The following HP1BP3 variants were observed in gnomAD, a reference collection of about 807,000 sequenced individuals.
The protein encoded by HP1BP3 is heterochromatin protein 1-binding protein 3.
HP1BP3 carries 12 observed loss-of-function variants against 62.5 expected under a neutral mutation model. That is an observed-to-expected ratio of 0.19 (90% CI 0.12 to 0.31). The LOEUF (loss-of-function observed/expected upper bound fraction) is 0.31, where lower values mean the gene tolerates loss of function less well. Among genes scored for constraint, HP1BP3 ranks in the 10% least tolerant of loss-of-function variants. The pLI is 1.00. For missense variants in HP1BP3, 502 were observed against 651.8 expected (o/e 0.77, Z 2.50); for synonymous variants, 260 against 237.8 (o/e 1.09, Z -0.86).
At chr1:20,764,277 C>T (rs2154540545) in intron 8 of HP1BP3, among the ~76,000 whole-genome samples, 1 of 151,654 alleles carries the variant, frequency 6.6e-6, no homozygotes, top group South Asian at 2.1e-4. Context: ...TGGTGCTGTA[C>T]TTCATTATTT....
chr1:20,755,321 A>G (rs1377956121), intron 9 of HP1BP3: 1 of 448,542 alleles, frequency 2.2e-6, no homozygotes, highest in Non-Finnish European at 4.5e-6. Context: ...TAATTCCAAC[A>G]CTTTGGGAAG....
Position 20,742,108 on chromosome 1 carries a change from T to C in HP1BP3, c.*2689A>G, listed in dbSNP as rs2055099809. 6.6e-6 allele frequency among the ~76,000 whole-genome samples: 1 copy of C among 152,224 alleles called. No homozygotes were observed. Among genetic ancestry groups the C allele is most frequent in the African/African-American group, 2.4e-5 (1 of 41,448 alleles). On this transcript the variant is annotated 3_prime_UTR_variant, in exon 13 of 13. Coordinates refer to ENST00000438032, the MANE Select transcript of HP1BP3 (RefSeq NM_001372052.1). ...CTAAACTTCTCAGCCTGTGCTTAAG[T>C]GCCTGGTGTGCAATACAGCCACCAG...
intron 5 of HP1BP3, 25 bp from the exon 6 acceptor site, chr1:20,771,098 TG>T (rs771292030): frequency 1.3e-5 from 20 of 1,570,034 alleles, no homozygotes; most frequent in East Asian, 2.3e-5. Flanking sequence ...TTAAACTAGT[TG>T]TTTTTTTTTA....
chr1:20,776,947 T>C (rs1243184046), intron 3 of HP1BP3, among the ~76,000 whole-genome samples, 197 bp from the exon 4 acceptor site: 3 of 152,208 alleles, frequency 2.0e-5, no homozygotes, highest in Non-Finnish European at 4.4e-5. Flanking sequence ...AGGTGGTTAT[T>C]TATCTATTAT....
chr1:20,764,210 T>C (rs2056642593), intron 8 of HP1BP3, among the ~76,000 whole-genome samples: 1 of 152,196 alleles, frequency 6.6e-6, no homozygotes, highest in Non-Finnish European at 1.5e-5. Flanking sequence ...AAGCTTTCTA[T>C]CCTTTTTTTC....
chr1:20,764,595 A>G (rs2154540566), intron 8 of HP1BP3, among the ~76,000 whole-genome samples: 1 of 151,396 alleles, frequency 6.6e-6, no homozygotes, highest in African/African-American at 2.4e-5. Context: ...ATATCTGAGA[A>G]GATACACAGT....
intron 5 of HP1BP3, among the ~76,000 whole-genome samples, chr1:20,772,788 C>T (rs979510181): frequency 4.6e-5 from 7 of 152,032 alleles, no homozygotes; most frequent in Non-Finnish European, 8.8e-5. Context: ...AATGAAAAGA[C>T]TTATACAATA....
At chr1:20,767,461 G>C (rs1213146931) in intron 7 of HP1BP3, 123 bp downstream of exon 7, 2 of 755,376 alleles carry the variant, frequency 2.6e-6, no homozygotes, top group Non-Finnish European at 4.7e-6. Context: ...AACTTCCCTA[G>C]GCCTTAGCAG....
chr1:20,782,367 C>T (rs567750610), intron 1 of HP1BP3, among the ~76,000 whole-genome samples: 7 of 151,314 alleles, frequency 4.6e-5, no homozygotes, highest in Middle Eastern at 6.9e-3. Flanking sequence ...GAGGTTCACT[C>T]GAGCCCAGGA....
intron 4 of HP1BP3, chr1:20,775,061 G>T (rs2057242307): frequency 6.6e-6 from 1 of 150,934 alleles, no homozygotes; most frequent in Non-Finnish European, 1.5e-5. Context: ...ACTAGTTTAT[G>T]TGTTTACTAT....
chr1:20,760,108 C>A (rs1055053497), intron 8 of HP1BP3, among the ~76,000 whole-genome samples: 2 of 152,050 alleles, frequency 1.3e-5, no homozygotes, highest in African/African-American at 4.8e-5. Context: ...AGGAAGGTCT[C>A]CAACTCTTGA....
In HP1BP3 at chr1:20,743,481, G is replaced by A. The variant is rs2055144446; in HGVS notation, c.*1316C>T. The stretch of plus-strand genomic sequence containing the variant: ...GATCGAGACCATCCTGGCTAACATG[G>A]TGAAACCCCAACTCTACTAAAAATA... On this transcript the variant is annotated 3_prime_UTR_variant, in exon 13 of 13. Transcript: ENST00000438032. 6.6e-6 allele frequency: 1 copy of A among 151,982 alleles called. No homozygotes were observed. The highest frequency in any genetic ancestry group is 1.5e-5 in the Non-Finnish European group (1 of 68,032). The allele number at this position is 151,982 out of a possible 1,614,324, so 9.4% of individuals were successfully genotyped here. A position where few individuals can be genotyped will look rare whatever the true frequency, so the allele number is the denominator to read the frequency against.
At chr1:20,746,427 A>G (rs2055339275) in intron 11 of HP1BP3, among the ~76,000 whole-genome samples, 1 of 152,220 alleles carries the variant, frequency 6.6e-6, no homozygotes, top group Non-Finnish European at 1.5e-5. Flanking sequence ...AAAAATTTAT[A>G]TAATATGTAT....
chr1:20,745,432 A>C, intron 12 of HP1BP3, 111 bp downstream of exon 12: 2 of 1,275,552 alleles, frequency 1.6e-6, no homozygotes, highest in Non-Finnish European at 2.1e-6. Flanking sequence ...GAACTTGAGA[A>C]GGATCCTGAG....
At chr1:20,784,120 C>A (rs371347816) in intron 1 of HP1BP3, among the ~76,000 whole-genome samples, 2 of 152,280 alleles carry the variant, frequency 1.3e-5, no homozygotes, top group African/African-American at 4.8e-5. Flanking sequence ...CAGGCACGCA[C>A]CGCCATGCCC....
intron 5 of HP1BP3, among the ~76,000 whole-genome samples, chr1:20,771,465 A>G (rs1208798344): frequency 2.6e-5 from 4 of 152,222 alleles, no homozygotes; most frequent in Non-Finnish European, 5.9e-5. Context: ...TTAAGGAATG[A>G]GCATGCCAGG....
chr1:20,744,898 C>T lies in HP1BP3; in HGVS notation c.1561G>A (p.Gly521Ser). The T allele has an allele frequency of 6.2e-7, 1 of 1,614,136 alleles. No individual in the cohort carries two copies. The highest frequency in any genetic ancestry group is 1.7e-4 in the Middle Eastern group (1 of 6,058). The change falls in exon 13 of 13, where the codon GGT becomes AGT. Residue 521 changes from glycine (G) to serine (S), a missense_variant. This residue lies in a region of HP1BP3 where 194 missense variants were observed against 207.0 expected (regional missense o/e 0.94). Coordinates refer to ENST00000438032, the MANE Select transcript of HP1BP3 (RefSeq NM_001372052.1). ...GTTGCAGGCTTCTTTGAGGAGCCAC[C>T]ACTAGGTTTCTTGATGACTGTGGAT... ...PSSTVIKKPS[G>S]GSSKKPATSA...
intron 9 of HP1BP3, among the ~76,000 whole-genome samples, chr1:20,756,391 G>C (rs1187918140): frequency 6.6e-6 from 1 of 151,940 alleles, no homozygotes. Flanking sequence ...AACAGTGCCT[G>C]ACGACTTCTC....
Position 20,740,295 on chromosome 1 carries a change from T to C in HP1BP3, c.*4502A>G, listed in dbSNP as rs1017190984. Among the ~76,000 whole-genome samples the C allele has an allele frequency of 6.6e-6, 1 of 152,192 alleles. No homozygotes were observed. The highest frequency in any genetic ancestry group is 2.4e-5 in the African/African-American group (1 of 41,444). On this transcript the variant is annotated 3_prime_UTR_variant, in exon 13 of 13. Transcript: ENST00000438032. Reference sequence around the variant, plus strand: ...CTTTTGCTAAGCAAAGATTTAATAGTGAACAGTGTTAATTATACATTATAT... The same window carrying C: ...CTTTTGCTAAGCAAAGATTTAATAGCGAACAGTGTTAATTATACATTATAT...
Sources: gnomAD v4.1 joint callset for allele counts (sites outside exome capture counted in the v4.1 genomes callset) on GRCh38, gnomAD v4.1.1 for gene constraint, gnomAD v4.1.1 regional missense constraint, MANE v1.5 for transcripts, NCBI Gene and HGNC (gene_info 2026-07-23, HGNC 2026-07-21) for gene names.